Variants in TMEM144 observed in about 807,000 individuals in gnomAD.
TMEM144 encodes the protein transmembrane protein 144.
Under a neutral mutation model 43.6 loss-of-function variants are expected in TMEM144, and 39 were observed. That is an observed-to-expected ratio of 0.90 (90% confidence interval 0.69 to 1.17). TMEM144 has a LOEUF of 1.17. Among genes scored for constraint, TMEM144 ranks in the 50% most tolerant of loss-of-function variants. TMEM144 has a pLI of 0.00. For missense variants in TMEM144, 417 were observed against 411.9 expected, an observed-to-expected ratio of 1.01 and a Z score of -0.11; for synonymous variants, 154 against 133.6, an observed-to-expected ratio of 1.15 and a Z score of -1.06.
chr4:158,222,136 C>T (rs1734539197), intron 6 of TMEM144, among the ~76,000 whole-genome samples: 1 of 152,286 alleles, frequency 6.6e-6, no homozygotes, highest in South Asian at 2.1e-4. Context: ...CCCATCCTAC[C>T]TACCCACTTG....
chr4:158,234,431 T>A (rs1453297926), intron 7 of TMEM144: 2 of 151,818 alleles, frequency 1.3e-5, no homozygotes, highest in African/African-American at 4.8e-5. Flanking sequence ...TCCCAGCTAC[T>A]TGGGAGGCTG....
chr4:158,219,261 T>C, intron 5 of TMEM144, 49 bp from the exon 6 acceptor site: 4 of 1,587,602 alleles, frequency 2.5e-6, no homozygotes, highest in Non-Finnish European at 3.5e-6. Flanking sequence ...AACATTATGG[T>C]GAAACATCTT....
At chr4:158,235,631 T>G (rs1735303097) in intron 8 of TMEM144, 126 bp downstream of exon 8, 1 of 987,360 alleles carries the variant, frequency 1.0e-6, no homozygotes, top group Admixed American at 3.2e-5. Context: ...TTGACTTCTA[T>G]CTCCATGCGG....
chr4:158,239,208 C>T (rs879856362), intron 9 of TMEM144, among the ~76,000 whole-genome samples: 8 of 152,160 alleles, frequency 5.3e-5, no homozygotes, highest in Non-Finnish European at 1.0e-4. Flanking sequence ...ATTGCCCTTA[C>T]ATGATCCAGA....
intron 8 of TMEM144, 85 bp downstream of exon 8, chr4:158,235,590 T>C (rs1486299175): frequency 2.2e-6 from 3 of 1,361,244 alleles, no homozygotes; most frequent in South Asian, 3.2e-5. Flanking sequence ...AATGTTCATC[T>C]GAGTTCAAGA....
intron 8 of TMEM144, 165 bp downstream of exon 8, chr4:158,235,670 T>G (rs1735308062): frequency 1.8e-6 from 1 of 542,656 alleles, no homozygotes; most frequent in South Asian, 4.0e-5. Flanking sequence ...AGCTGAATTT[T>G]AGGTACAGAT....
chr4:158,248,749 C>T (rs548934189), intron 12 of TMEM144, among the ~76,000 whole-genome samples: 1 of 152,290 alleles, frequency 6.6e-6, no homozygotes, highest in African/African-American at 2.4e-5. Context: ...TATCTTAAAG[C>T]AGTCCTTGAA....
chr4:158,253,354 G>C, intron 12 of TMEM144, 90 bp from the exon 13 acceptor site: 1 of 1,112,312 alleles, frequency 9.0e-7, no homozygotes, highest in Non-Finnish European at 1.3e-6. Flanking sequence ...TAGAGCAGAT[G>C]GTTAGGTCCC....
At position 158,252,107 on chromosome 4, in the gene TMEM144, G is replaced by A. The variant is rs1579162986; in HGVS notation, c.955-1337G>A. Among the ~76,000 whole-genome samples the A allele has an allele frequency of 4.6e-5, 7 of 152,152 alleles. No homozygotes were observed. The East Asian group carries it at 1.3e-3, about 29-fold the overall frequency. ...TTTTCAATGATTGAGGATTTATCTT[G>A]TGGGAGAGATATTAAAATCGATCTA... On this transcript the variant is annotated intron_variant, in intron 12 of 12. Transcript: ENST00000296529.
Position 158,253,661 on chromosome 4 carries a change from T to C in TMEM144, c.*134T>C. On this transcript the variant is annotated 3_prime_UTR_variant, in exon 13 of 13. Transcript: ENST00000296529. ...AGCCACTGTTGGAGTGGGTAAATGA[T>C]TTTTTTCCCCAAAAATGTGAGAATG... The C allele has an allele frequency of 1.5e-6, 1 of 650,826 alleles. No homozygotes were observed. The highest frequency in any genetic ancestry group is 2.6e-6 in the Non-Finnish European group (1 of 389,864). 40.3% of individuals were successfully genotyped at this position (650,826 alleles called of 1,614,324 possible).
intron 12 of TMEM144, among the ~76,000 whole-genome samples, chr4:158,249,378 T>C (rs77310748): frequency 0.016 from 2,411 of 152,316 alleles, 68 homozygotes; most frequent in African/African-American, 0.053. Flanking sequence ...AGTAAGCTAC[T>C]CCCTGGTGAA....
chr4:158,244,389 G>C, intron 12 of TMEM144, 40 bp downstream of exon 12: 1 of 1,553,304 alleles, frequency 6.4e-7, no homozygotes, highest in Non-Finnish European at 8.8e-7. Flanking sequence ...ATGGGAATGG[G>C]GTAGGCCGGG....
At chr4:158,225,898 C>T (rs912007327) in intron 6 of TMEM144, among the ~76,000 whole-genome samples, 10 of 152,228 alleles carry the variant, frequency 6.6e-5, no homozygotes, top group South Asian at 2.1e-4. Flanking sequence ...TGCCGGACTT[C>T]GGGATATAGC....
At chr4:158,251,780 C>T (rs879702514) in intron 12 of TMEM144, among the ~76,000 whole-genome samples, 1 of 152,156 alleles carries the variant, frequency 6.6e-6, no homozygotes, top group Non-Finnish European at 1.5e-5. Flanking sequence ...TTCCACCCCT[C>T]GGCTAAAGAA....
At chr4:158,220,736 C>T (rs1262153812) in intron 6 of TMEM144, among the ~76,000 whole-genome samples, 1 of 152,172 alleles carries the variant, frequency 6.6e-6, no homozygotes, top group Non-Finnish European at 1.5e-5. Context: ...TTATTAATAA[C>T]ATTTATGTTC....
intron 6 of TMEM144, among the ~76,000 whole-genome samples, chr4:158,230,959 G>A (rs1182625561): frequency 6.6e-6 from 1 of 152,152 alleles, no homozygotes; most frequent in Non-Finnish European, 1.5e-5. Context: ...TTGAAGATTT[G>A]ACAGCCATGT....
intron 12 of TMEM144, among the ~76,000 whole-genome samples, chr4:158,252,694 G>A (rs1283955561): frequency 1.3e-5 from 2 of 151,656 alleles, no homozygotes; most frequent in Admixed American, 1.3e-4. Flanking sequence ...TGTAATCCCA[G>A]CTACTTGGGA....
chr4:158,249,170 G>A (rs532165875), intron 12 of TMEM144, among the ~76,000 whole-genome samples: 282 of 152,294 alleles, frequency 1.9e-3, no homozygotes, highest in Non-Finnish European at 3.5e-3. Context: ...CTCCCAAAGT[G>A]CTGGGATTAC....
Position 158,240,298 on chromosome 4 carries a change from G to T in TMEM144, c.683-1G>T, listed in dbSNP as rs371156301. ...TGAGAGTTTTTAATGTCTATTTTCA[G>T]ATTTAGACTATGTGTTTGCGCACTT... On this transcript the variant is annotated splice_acceptor_variant, in intron 9 of 12. Transcript: ENST00000296529. LOFTEE classifies it high-confidence loss of function. 10 of 1,607,004 alleles carry T rather than the reference G, an allele frequency of 6.2e-6. No individual in the cohort carries two copies. The highest frequency in any genetic ancestry group is 1.7e-5 in the Admixed American group (1 of 58,060).
Sources: allele counts gnomAD v4.1 joint callset (sites outside exome capture counted in the v4.1 genomes callset), GRCh38; gene constraint gnomAD v4.1.1; transcripts MANE v1.5; gene names NCBI Gene and HGNC (gene_info 2026-07-23, HGNC 2026-07-21).